Variants in STPG4 observed in about 807,000 individuals in gnomAD.
STPG4 encodes the protein protein STPG4.
STPG4 carries 41 observed loss-of-function variants against 31.5 expected under a neutral mutation model. The ratio of observed to expected loss-of-function variants is 1.30; its 90% CI spans 1.01 to 1.69. The LOEUF (loss-of-function observed/expected upper bound fraction) is 1.69, where lower values mean the gene tolerates loss of function less well. Among genes scored for constraint, STPG4 ranks in the 40% most tolerant of loss-of-function variants. The probability of loss-of-function intolerance (pLI) is 0.00; values close to 1 mark genes in which losing one functional copy is unlikely to be tolerated. For synonymous variants in STPG4, 141 were observed against 103.0 expected (o/e 1.37, Z -2.24); for missense variants, 375 against 293.4 (o/e 1.28, Z -2.03).
intron 3 of STPG4, among the ~76,000 whole-genome samples, chr2:47,145,656 C>G (rs903010936): frequency 6.6e-6 from 1 of 152,190 alleles, no homozygotes; most frequent in South Asian, 2.1e-4. Flanking sequence ...AAGGCCCAGT[C>G]AGATTTCAGG....
chr2:47,093,080 C>G (rs767480426), intron 5 of STPG4, among the ~76,000 whole-genome samples: 1 of 152,180 alleles, frequency 6.6e-6, no homozygotes, highest in Non-Finnish European at 1.5e-5. Flanking sequence ...TGTGAGACAC[C>G]GCACCCGGCC....
chr2:47,112,409 G>A (rs1177802417), intron 5 of STPG4, among the ~76,000 whole-genome samples: 2 of 151,880 alleles, frequency 1.3e-5, no homozygotes, highest in South Asian at 2.1e-4. Context: ...GACCTCAAGT[G>A]ATCTGCCCAC....
At chr2:47,131,854 T>C (rs1391331080) in intron 3 of STPG4, among the ~76,000 whole-genome samples, 1 of 152,098 alleles carries the variant, frequency 6.6e-6, no homozygotes, top group African/African-American at 2.4e-5. Flanking sequence ...CCCACAGTTA[T>C]GATATAAGAA....
At chr2:47,124,025 C>T (rs1164785387) in intron 5 of STPG4, among the ~76,000 whole-genome samples, 1 of 151,794 alleles carries the variant, frequency 6.6e-6, no homozygotes, top group East Asian at 1.9e-4. Flanking sequence ...CTCTGTTGCC[C>T]ATTCTGGTGT....
chr2:47,150,921 G>A (rs1175298461), intron 3 of STPG4, among the ~76,000 whole-genome samples: 1 of 151,948 alleles, frequency 6.6e-6, no homozygotes, highest in African/African-American at 2.4e-5. Flanking sequence ...AAAAGAAGAG[G>A]GTTCACCACA....
intron 5 of STPG4, among the ~76,000 whole-genome samples, chr2:47,127,907 T>C (rs778087784): frequency 1.3e-5 from 2 of 152,202 alleles, no homozygotes; most frequent in African/African-American, 2.4e-5. Context: ...TGTTTGCCGA[T>C]GTCTGGGCAT....
chr2:47,124,511 T>G (rs187394655), intron 5 of STPG4, among the ~76,000 whole-genome samples: 2 of 152,180 alleles, frequency 1.3e-5, no homozygotes, highest in African/African-American at 4.8e-5. Flanking sequence ...TACAAATACA[T>G]GAGAACATGC....
chr2:47,099,971 G>A (rs1188347011), intron 5 of STPG4, among the ~76,000 whole-genome samples: 1 of 152,166 alleles, frequency 6.6e-6, no homozygotes, highest in African/African-American at 2.4e-5. Flanking sequence ...CCTTCCCAAG[G>A]GGCAGGGCTC....
At chr2:47,114,681 C>T (rs1033127057) in intron 5 of STPG4, among the ~76,000 whole-genome samples, 1 of 152,166 alleles carries the variant, frequency 6.6e-6, no homozygotes, top group Non-Finnish European at 1.5e-5. Context: ...ATATTCTATT[C>T]AAATATCCCT....
At chr2:47,121,377 C>G (rs1408129851) in intron 5 of STPG4, among the ~76,000 whole-genome samples, 1 of 152,094 alleles carries the variant, frequency 6.6e-6, no homozygotes, top group East Asian at 1.9e-4. Context: ...ATGATGAGAC[C>G]ACAGGCCCCT....
intron 5 of STPG4, among the ~76,000 whole-genome samples, chr2:47,096,390 G>C (rs1234476236): frequency 6.6e-6 from 1 of 152,154 alleles, no homozygotes; most frequent in Non-Finnish European, 1.5e-5. Flanking sequence ...AAATGGGCAG[G>C]GCCTCGAGGA....
At chr2:47,100,522 G>A (rs539526840) in intron 5 of STPG4, among the ~76,000 whole-genome samples, 3 of 149,240 alleles carry the variant, frequency 2.0e-5, no homozygotes, top group South Asian at 2.2e-4. Flanking sequence ...ATGTGGGTGG[G>A]GCCAGATAAG....
chr2:47,124,693 G>A (rs1453601635), intron 5 of STPG4, among the ~76,000 whole-genome samples: 1 of 152,140 alleles, frequency 6.6e-6, no homozygotes, highest in Admixed American at 6.5e-5. Flanking sequence ...CACTAAGGTT[G>A]CTTCCAAATC....
intron 5 of STPG4, among the ~76,000 whole-genome samples, chr2:47,090,683 G>A (rs780804334): frequency 1.2e-3 from 177 of 152,270 alleles, no homozygotes; most frequent in Middle Eastern, 6.8e-3. Flanking sequence ...CAGGTCCCCC[G>A]TTCCCTCACA....
intron 6 of STPG4, among the ~76,000 whole-genome samples, chr2:47,088,424 G>C (rs989740110): frequency 3.3e-5 from 5 of 152,216 alleles, no homozygotes; most frequent in African/African-American, 4.8e-5. Context: ...TTAAGATCAA[G>C]GGTTTTAGAG....
intron 3 of STPG4, among the ~76,000 whole-genome samples, chr2:47,149,934 G>A (rs1686902588): frequency 6.6e-6 from 1 of 152,050 alleles, no homozygotes; most frequent in Admixed American, 6.5e-5. Context: ...CCCAAACCCT[G>A]CCCCTCATTC....
Position 47,104,163 on chromosome 2 carries a change from G to C in STPG4, c.520-13789C>G, listed in dbSNP as rs141309103. ...AAGAGGGAATCAACCCTGAAGTCTGGGCATTGGAAGGACAATTTGGAAGGG... is the reference window on the plus strand; with the variant it reads ...AAGAGGGAATCAACCCTGAAGTCTGCGCATTGGAAGGACAATTTGGAAGGG... On this transcript the variant is annotated intron_variant, in intron 5 of 6. Transcript: ENST00000445927. 3.9e-4 allele frequency among the ~76,000 whole-genome samples: 59 copies of C among 152,032 alleles called. 1 individual carries two copies. Among genetic ancestry groups the C allele is most frequent in the African/African-American group, 1.3e-3 (54 of 41,370 alleles).
At chr2:47,126,904 T>A (rs897623419) in intron 5 of STPG4, among the ~76,000 whole-genome samples, 1 of 152,138 alleles carries the variant, frequency 6.6e-6, no homozygotes, top group Non-Finnish European at 1.5e-5. Context: ...CTCCATTGTA[T>A]GTTATTTACT....
intron 3 of STPG4, among the ~76,000 whole-genome samples, chr2:47,146,779 G>T (rs1686829658): frequency 6.6e-6 from 1 of 151,976 alleles, no homozygotes; most frequent in South Asian, 2.1e-4. Context: ...AGCAGAGATG[G>T]CAAAAAATGG....
Sources: gnomAD v4.1 joint callset for allele counts (sites outside exome capture counted in the v4.1 genomes callset) on GRCh38, gnomAD v4.1.1 for gene constraint, MANE v1.5 for transcripts, NCBI Gene and HGNC (gene_info 2026-07-23, HGNC 2026-07-21) for gene names.